TAMM41: variants seen among roughly 807,000 people sequenced by gnomAD.
TAMM41 encodes TAM41 mitochondrial translocator assembly and maintenance homolog, also known as phosphatidate cytidylyltransferase, mitochondrial.
Under a neutral mutation model 44.1 loss-of-function variants are expected in TAMM41, and 36 were observed. The ratio of observed to expected loss-of-function variants is 0.82; its 90% CI spans 0.63 to 1.08. The LOEUF is 1.08. Among genes scored for constraint, TAMM41 ranks in the 50% least tolerant of loss-of-function variants. TAMM41 has a pLI of 0.00. For synonymous variants in TAMM41, 164 were observed against 153.1 expected, an observed-to-expected ratio of 1.07 and a Z score of -0.53; for missense variants, 417 against 404.3, an observed-to-expected ratio of 1.03 and a Z score of -0.27.
At chr3:11,722,074 C>A in the TAMM41 span, 1 of 152,180 alleles carries the variant, frequency 6.6e-6, no homozygotes. Flanking sequence ...ATCTTTATGA[C>A]AACATTGCCA....
chr3:11,811,412 C>T (rs1311650003), intron 5 of TAMM41: 1 of 152,146 alleles, frequency 6.6e-6, no homozygotes, highest in East Asian at 1.9e-4. Flanking sequence ...TATGAAGCTT[C>T]CAACGGCTTG....
At chr3:11,738,315 C>T in the TAMM41 span, among the ~76,000 whole-genome samples, 112 of 152,272 alleles carry the variant, frequency 7.4e-4, no homozygotes, top group African/African-American at 2.5e-3. Flanking sequence ...GTCTTAGAAC[C>T]TTGAACAAGT....
chr3:11,781,776 A>C, the TAMM41 span, among the ~76,000 whole-genome samples: 1 of 39,626 alleles, frequency 2.5e-5, no homozygotes, highest in Non-Finnish European at 4.6e-5. Context: ...TAATAATAAT[A>C]ATAATCATAC....
intron 7 of TAMM41, among the ~76,000 whole-genome samples, chr3:11,806,264 T>C (rs1050780199): frequency 6.6e-6 from 1 of 152,198 alleles, no homozygotes; most frequent in South Asian, 2.1e-4. Flanking sequence ...GATGCTTGCA[T>C]GAAGAAAGCC....
chr3:11,748,365 C>T, the TAMM41 span, among the ~76,000 whole-genome samples: 8 of 151,978 alleles, frequency 5.3e-5, no homozygotes, highest in Non-Finnish European at 1.2e-4. Flanking sequence ...TCACTGCAGC[C>T]TCTGCCTCCC....
chr3:11,746,253 G>A, the TAMM41 span, among the ~76,000 whole-genome samples: 250 of 147,304 alleles, frequency 1.7e-3, no homozygotes, highest in African/African-American at 6.1e-3. Context: ...GCAGTGAGCC[G>A]AGATCGCACC....
At chr3:11,837,377 C>T (rs1400536996) in intron 3 of TAMM41, among the ~76,000 whole-genome samples, 1 of 151,672 alleles carries the variant, frequency 6.6e-6, no homozygotes, top group Non-Finnish European at 1.5e-5. Context: ...TGGAAAGACC[C>T]TTTCTCAGAG....
At chr3:11,740,100 A>T in the TAMM41 span, among the ~76,000 whole-genome samples, 2 of 151,870 alleles carry the variant, frequency 1.3e-5, no homozygotes, top group Non-Finnish European at 2.9e-5. Flanking sequence ...AACAAAAAAA[A>T]CACCCCAGAT....
the TAMM41 span, among the ~76,000 whole-genome samples, chr3:11,746,181 G>T: frequency 3.3e-5 from 5 of 151,878 alleles, no homozygotes; most frequent in African/African-American, 1.2e-4. Flanking sequence ...GGCACCTGTA[G>T]TCCCAGCTAC....
intron 3 of TAMM41, among the ~76,000 whole-genome samples, chr3:11,830,164 A>G (rs951565972): frequency 3.3e-5 from 5 of 152,218 alleles, no homozygotes; most frequent in Non-Finnish European, 7.3e-5. Flanking sequence ...TGGAAACTTT[A>G]ATATTTTTAA....
intron 3 of TAMM41, among the ~76,000 whole-genome samples, chr3:11,830,331 G>A (rs2078931343): frequency 6.6e-6 from 1 of 152,034 alleles, no homozygotes; most frequent in Non-Finnish European, 1.5e-5. Context: ...ACTTGACTAA[G>A]GAAAAATGAA....
At position 11,808,446 on chromosome 3, in the gene TAMM41, C is replaced by T. The variant is rs540846693; in HGVS notation, c.875-551G>A. ...GGGGAGCTGGTGACCTAAACACACA[C>T]TCTGCAAACCTAGTGCAGGCCCAGG... On this transcript the variant is annotated intron_variant, in intron 6 of 7. Coordinates refer to ENST00000455809, the MANE Select transcript of TAMM41 (RefSeq NM_001284401.2). 261 of 986,790 alleles carry T rather than the reference C, an allele frequency of 2.6e-4. 1 individual carries two copies. The African/African-American group carries it at 3.8e-3, about 14-fold the overall frequency. The allele number at this position is 986,790 out of a possible 1,614,324, so 61.1% of individuals were successfully genotyped here.
At chr3:11,817,116 G>A in intron 5 of TAMM41, 76 bp downstream of exon 5, 1 of 1,484,366 alleles carries the variant, frequency 6.7e-7, no homozygotes, top group Non-Finnish European at 9.2e-7. Context: ...CAGTCATGCT[G>A]TTCTACCCCT....
the TAMM41 span, among the ~76,000 whole-genome samples, chr3:11,742,922 A>G: frequency 1.3e-5 from 2 of 151,974 alleles, no homozygotes; most frequent in Non-Finnish European, 2.9e-5. Context: ...ACCCCTTCCT[A>G]TGACTGGGGA....
intron 6 of TAMM41, chr3:11,808,985 T>G (rs530398956): frequency 6.1e-6 from 1 of 163,572 alleles, no homozygotes; most frequent in East Asian, 1.9e-4. Context: ...CTTCCTAAAG[T>G]GTTGGGAGTA....
chr3:11,727,027 C>G, the TAMM41 span, among the ~76,000 whole-genome samples: 1 of 151,980 alleles, frequency 6.6e-6, no homozygotes, highest in African/African-American at 2.4e-5. Flanking sequence ...AAGAAATAAT[C>G]TAAAATAATA....
chr3:11,765,874 C>A, the TAMM41 span, among the ~76,000 whole-genome samples: 7 of 151,970 alleles, frequency 4.6e-5, 1 homozygote, highest in South Asian at 1.5e-3. Context: ...GCTAATTTTT[C>A]TATTTTTAGT....
At chr3:11,732,943 G>A in the TAMM41 span, among the ~76,000 whole-genome samples, 22 of 152,142 alleles carry the variant, frequency 1.4e-4, 1 homozygote, top group East Asian at 9.7e-4. Context: ...TACATGCCAA[G>A]GGAAGCCACT....
At chr3:11,832,732 C>T (rs2079030283) in intron 3 of TAMM41, among the ~76,000 whole-genome samples, 2 of 152,220 alleles carry the variant, frequency 1.3e-5, no homozygotes, top group African/African-American at 4.8e-5. Context: ...TCTACTTCCA[C>T]ATTCCCGTTC....
Sources: gnomAD v4.1 joint callset for allele counts (sites outside exome capture counted in the v4.1 genomes callset) on GRCh38, gnomAD v4.1.1 for gene constraint, MANE v1.5 for transcripts, NCBI Gene and HGNC (gene_info 2026-07-23, HGNC 2026-07-21) for gene names.